ITPRIPL2: variants seen among roughly 807,000 people sequenced by gnomAD.
ITPRIPL2 encodes the protein ITPRIP like 2, also known as inositol 1,4,5-trisphosphate receptor-interacting protein-like 2.
A neutral mutation model predicts 31.7 loss-of-function variants in ITPRIPL2; 29 were observed. The observed-to-expected ratio is 0.91, with a 90% CI of 0.68 to 1.25. The LOEUF is 1.25. Ranked by LOEUF, ITPRIPL2 falls within the 50% of genes most tolerant of loss-of-function variation. ITPRIPL2 has a pLI of 0.00. For synonymous variants in ITPRIPL2, 344 were observed against 343.4 expected (o/e 1.00, Z -0.02); for missense variants, 696 against 739.1 (o/e 0.94, Z 0.68).
At position 19,121,119 on chromosome 16, in the gene ITPRIPL2, G is replaced by A. The variant is rs1963515505; in HGVS notation, c.*5050G>A. 6.0e-6 allele frequency: 1 copy of A among 166,654 alleles called. No homozygotes were observed. Among genetic ancestry groups the A allele is most frequent in the African/African-American group, 2.4e-5 (1 of 41,302 alleles). The allele number at this position is 166,654 out of a possible 1,614,324, so 10.3% of individuals were successfully genotyped here. On this transcript the variant is annotated 3_prime_UTR_variant, in exon 1 of 1. Transcript: ENST00000381440. ...ATACCTACATAGCACATGACTGGGGGGATAAAGCATGTATAAGTTGGGAGA... is the reference window on the plus strand; with the variant it reads ...ATACCTACATAGCACATGACTGGGGAGATAAAGCATGTATAAGTTGGGAGA...
Position 19,115,359 on chromosome 16 carries a change from T to C in ITPRIPL2, c.898T>C (p.Cys300Arg), listed in dbSNP as rs1399421908. The stretch of plus-strand genomic sequence containing the variant: ...CTTGCCCTGCCGCACTGACTACGGC[T>C]GCTGCCGCCTTTCTATGGCTGTGCG... ...HILPCRTDYG[C>R]CRLSMAVRLI... Residue 300 changes from cysteine (C) to arginine (R), a missense_variant, in exon 1 of 1, where the codon TGC becomes CGC. By Grantham distance (180) the Cys-to-Arg change is radical. Transcript: ENST00000381440. 1.2e-6 allele frequency: 2 copies of C among 1,613,390 alleles called. No homozygotes were observed. Among genetic ancestry groups the C allele is most frequent in the Middle Eastern group, 3.3e-4 (2 of 6,062 alleles).
chr16:19,118,073 A>G lies in ITPRIPL2; in HGVS notation c.*2004A>G, dbSNP rs925561655. The G allele has an allele frequency of 4.2e-5, 7 of 165,104 alleles. No homozygotes were observed. The highest frequency in any genetic ancestry group is 2.7e-4 in the Admixed American group (4 of 15,062). The allele number at this position is 165,104 out of a possible 1,614,324, so 10.2% of individuals were successfully genotyped here. On this transcript the variant is annotated 3_prime_UTR_variant, in exon 1 of 1. Transcript: ENST00000381440. ...GTAGATCTTATATATATATATATGTATACATATTTTATATATATATATATT... is the reference window on the plus strand; with the variant it reads ...GTAGATCTTATATATATATATATGTGTACATATTTTATATATATATATATT...
Position 19,114,510 on chromosome 16 carries a change from A to T in ITPRIPL2, c.49A>T (p.Thr17Ser). The change falls in exon 1 of 1, where the codon ACC becomes TCC. Residue 17 changes from threonine to serine, a missense_variant. Thr to Ser is a moderately conservative substitution (Grantham distance 58). Coordinates refer to ENST00000381440, the MANE Select transcript of ITPRIPL2 (RefSeq NM_001034841.4). ...TCTACGCGTCTTCTGGCCCCTGGTG[A>T]CCGGCCTGTGCACCGCCCTGGTGTG... ...LNLRVFWPLVTGLCTALVCLY... is the reference protein window; with the variant it reads ...LNLRVFWPLVSGLCTALVCLY... The T allele has an allele frequency of 6.9e-7, 1 of 1,457,394 alleles. No individual in the cohort carries two copies. Among genetic ancestry groups the T allele is most frequent in the Non-Finnish European group, 9.1e-7 (1 of 1,104,630 alleles). 90.3% of individuals were successfully genotyped at this position (1,457,394 alleles called of 1,614,324 possible). A position where few individuals can be genotyped will look rare whatever the true frequency, so the allele number is the denominator to read the frequency against.
chr16:19,114,359 G>C lies in ITPRIPL2; in HGVS notation c.-103G>C. The C allele has an allele frequency of 1.1e-6, 1 of 911,356 alleles. No homozygotes were observed. The highest frequency in any genetic ancestry group is 1.7e-5 in the African/African-American group (1 of 58,028). 56.5% of individuals were successfully genotyped at this position (911,356 alleles called of 1,614,324 possible). On this transcript the variant is annotated 5_prime_UTR_variant, in exon 1 of 1. Transcript: ENST00000381440. ...GGGAAGCCGCCGCGGAGGAGGAGAC[G>C]GGGACAGCGGGGCTGCCCGGGCGCT...
In ITPRIPL2 at chr16:19,114,953, G is replaced by A. The variant is rs1168067405; in HGVS notation, c.492G>A (p.Glu164=). 6.2e-7 allele frequency: 1 copy of A among 1,606,814 alleles called. No homozygotes were observed. Among genetic ancestry groups the A allele is most frequent in the Admixed American group, 1.7e-5 (1 of 59,994 alleles). The change falls in exon 1 of 1, where the codon GAG becomes GAA. Residue 164 remains glutamate, a synonymous_variant. Coordinates refer to ENST00000381440, the MANE Select transcript of ITPRIPL2 (RefSeq NM_001034841.4). ...TCATCCAGGTGGGCAGCGCCTACGA[G>A]CAACATAAAATCCGCCGGCCCGACA... The part of the protein sequence containing the change: ...GDFIQVGSAY[E]QHKIRRPDSF...
Position 19,118,602 on chromosome 16 carries a change from T to C in ITPRIPL2, c.*2533T>C, listed in dbSNP as rs1963474768. On this transcript the variant is annotated 3_prime_UTR_variant, in exon 1 of 1. Transcript: ENST00000381440. ...CTTGTAGTTTTTTGTTAGTTTTGTT[T>C]TTCAGGTTAATTACCCAAAGCCTCA... 1 of 176,266 alleles carries C rather than the reference T, an allele frequency of 5.7e-6. No homozygotes were observed. The highest frequency in any genetic ancestry group is 1.7e-4 in the East Asian group (1 of 5,866). The allele number at this position is 176,266 out of a possible 1,614,324, so 10.9% of individuals were successfully genotyped here. A position where few individuals can be genotyped will look rare whatever the true frequency, so the allele number is the denominator to read the frequency against.
rs1963479862 is a variant in ITPRIPL2 at position 19,119,068 on chromosome 16, T to C, written c.*2999T>C. 1 of 413,418 alleles carries C rather than the reference T, an allele frequency of 2.4e-6. No individual in the cohort carries two copies. The highest frequency in any genetic ancestry group is 2.1e-5 in the African/African-American group (1 of 48,634). 25.6% of individuals were successfully genotyped at this position (413,418 alleles called of 1,614,324 possible). A position where few individuals can be genotyped will look rare whatever the true frequency, so the allele number is the denominator to read the frequency against. On this transcript the variant is annotated 3_prime_UTR_variant, in exon 1 of 1. Coordinates refer to ENST00000381440, the MANE Select transcript of ITPRIPL2 (RefSeq NM_001034841.4). ...GGAAAATGTTTCTGGGGAAGATGAC[T>C]CAGTCATTTTGTGGCGAGACACCCT... is the stretch of plus-strand genomic sequence containing the variant.
Position 19,115,485 on chromosome 16 carries a change from C to T in ITPRIPL2, c.1024C>T (p.Arg342Cys). The stretch of plus-strand genomic sequence containing the variant: ...CCTGTTGGAGCTCCCTGAGGGCCTG[C>T]GTGCGGAGGCACTGTGGGGTGTGAA... ...APLLELPEGLRAEALWGVNTA... is the reference protein window; with the variant it reads ...APLLELPEGLCAEALWGVNTA... The change falls in exon 1 of 1, where the codon CGT becomes TGT. Residue 342 changes from arginine (R) to cysteine (C), a missense_variant. Coordinates refer to ENST00000381440, the MANE Select transcript of ITPRIPL2 (RefSeq NM_001034841.4). The T allele has an allele frequency of 6.2e-7, 1 of 1,606,824 alleles. No homozygotes were observed. Among genetic ancestry groups the T allele is most frequent in the South Asian group, 1.1e-5 (1 of 91,032 alleles).
At position 19,115,366 on chromosome 16, in the gene ITPRIPL2, G is replaced by A. The variant is rs1052821738; in HGVS notation, c.905G>A (p.Arg302His). Residue 302 changes from arginine (R) to histidine (H), a missense_variant, in exon 1 of 1, where the codon CGC becomes CAC. Physicochemically the swap from Arg to His is conservative, Grantham distance 29 (BLOSUM62 0). Transcript: ENST00000381440. Reference protein sequence around the residue: ...LPCRTDYGCCRLSMAVRLIPA... With the variant: ...LPCRTDYGCCHLSMAVRLIPA... ...TGCCGCACTGACTACGGCTGCTGCC[G>A]CCTTTCTATGGCTGTGCGTCTCATC... 3 of 1,613,002 alleles carry A rather than the reference G, an allele frequency of 1.9e-6. No individual in the cohort carries two copies. In the Admixed American group the frequency reaches 5.0e-5, roughly 27 times the overall value.
rs1273805177 is a variant in ITPRIPL2 at position 19,114,400 on chromosome 16, T to C, written c.-62T>C. ...CCCGGGCGCTGTGCGCATGCTGGGCTTGGGTCGCCGCCGGGGCTTGCCCCC... is the reference window on the plus strand; with the variant it reads ...CCCGGGCGCTGTGCGCATGCTGGGCCTGGGTCGCCGCCGGGGCTTGCCCCC... On this transcript the variant is annotated 5_prime_UTR_variant, in exon 1 of 1. Coordinates refer to ENST00000381440, the MANE Select transcript of ITPRIPL2 (RefSeq NM_001034841.4). The C allele has an allele frequency of 4.8e-6, 6 of 1,253,890 alleles. No homozygotes were observed. The highest frequency in any genetic ancestry group is 6.1e-6 in the Non-Finnish European group (6 of 988,884). The allele number at this position is 1,253,890 out of a possible 1,614,324, so 77.7% of individuals were successfully genotyped here.
In ITPRIPL2 at chr16:19,115,916, C is replaced by G; in HGVS notation, c.1455C>G (p.Asp485Glu). 1 of 1,612,138 alleles carries G rather than the reference C, an allele frequency of 6.2e-7. No individual in the cohort carries two copies. The highest frequency in any genetic ancestry group is 8.5e-7 in the Non-Finnish European group (1 of 1,179,708). The change falls in exon 1 of 1, where the codon GAC becomes GAG. Residue 485 changes from aspartate (D) to glutamate (E), a missense_variant. Coordinates refer to ENST00000381440, the MANE Select transcript of ITPRIPL2 (RefSeq NM_001034841.4). Reference protein sequence around the residue: ...AAPVDLLAAFDGHARELAAAR... With the variant: ...AAPVDLLAAFEGHARELAAAR... ...CAGTTGACCTCCTGGCCGCTTTCGA[C>G]GGGCACGCCCGGGAACTTGCAGCAG... is the stretch of plus-strand genomic sequence containing the variant.
rs1963405023 is a variant in ITPRIPL2, at chr16:19,114,547, T to A, written c.86T>A (p.Val29Asp). 6.5e-7 allele frequency: 1 copy of A among 1,528,590 alleles called. No homozygotes were observed. The highest frequency in any genetic ancestry group is 2.0e-5 in the Admixed American group (1 of 49,322). The allele number at this position is 1,528,590 out of a possible 1,614,324, so 94.7% of individuals were successfully genotyped here. The change falls in exon 1 of 1, where the codon GTC (valine) becomes GAC (aspartate). Residue 29 changes from valine to aspartate, a missense_variant. Physicochemically the swap from Val to Asp is radical, Grantham distance 152. Coordinates refer to ENST00000381440, the MANE Select transcript of ITPRIPL2 (RefSeq NM_001034841.4). ...LCTALVCLYHVLRGSGGARAE... is the reference protein window; with the variant it reads ...LCTALVCLYHDLRGSGGARAE... ...ACCGCCCTGGTGTGCCTCTACCATGTCCTGCGGGGAAGCGGGGGCGCCCGG... is the reference window on the plus strand; with the variant it reads ...ACCGCCCTGGTGTGCCTCTACCATGACCTGCGGGGAAGCGGGGGCGCCCGG...
In ITPRIPL2 at chr16:19,114,340, C is replaced by G; in HGVS notation, c.-122C>G. The G allele has an allele frequency of 1.4e-6, 1 of 737,236 alleles. No homozygotes were observed. The highest frequency in any genetic ancestry group is 1.9e-6 in the Non-Finnish European group (1 of 535,962). The allele number at this position is 737,236 out of a possible 1,614,324, so 45.7% of individuals were successfully genotyped here. On this transcript the variant is annotated 5_prime_UTR_variant, in exon 1 of 1. Coordinates refer to ENST00000381440, the MANE Select transcript of ITPRIPL2 (RefSeq NM_001034841.4). The stretch of plus-strand genomic sequence containing the variant: ...CTCCCTCGGGCCTGCGTTCGGGAAG[C>G]CGCCGCGGAGGAGGAGACGGGGACA...
chr16:19,114,572 G>C lies in ITPRIPL2; in HGVS notation c.111G>C (p.Arg37=). The change falls in exon 1 of 1, where the codon CGG becomes CGC. Residue 37 remains arginine (R), a synonymous_variant. Transcript: ENST00000381440. ...YHVLRGSGGA[R]AEPADGVDGG... is the part of the protein sequence containing the mutation. ...TCCTGCGGGGAAGCGGGGGCGCCCG[G>C]GCCGAGCCCGCCGACGGCGTGGATG... 6.4e-7 allele frequency: 1 copy of C among 1,557,636 alleles called. No individual in the cohort carries two copies.
chr16:19,119,109 G>T lies in ITPRIPL2; in HGVS notation c.*3040G>T. 2.4e-6 allele frequency: 1 copy of T among 413,450 alleles called. No homozygotes were observed. The highest frequency in any genetic ancestry group is 1.3e-4 in the South Asian group (1 of 7,810). The allele number at this position is 413,450 out of a possible 1,614,324, so 25.6% of individuals were successfully genotyped here. Reference sequence around the variant, plus strand: ...GAGACACCCTTTGGTAACTCCCACTGACCAGTCTTGGGAGCCTTCCTGGAA... The same window carrying T: ...GAGACACCCTTTGGTAACTCCCACTTACCAGTCTTGGGAGCCTTCCTGGAA... On this transcript the variant is annotated 3_prime_UTR_variant, in exon 1 of 1. Transcript: ENST00000381440.
In ITPRIPL2 at chr16:19,114,970, G is replaced by A. The variant is rs999860568; in HGVS notation, c.509G>A (p.Arg170Gln). The A allele has an allele frequency of 1.1e-5, 18 of 1,603,422 alleles. No individual in the cohort carries two copies. The highest frequency in any genetic ancestry group is 1.7e-5 in the Admixed American group (1 of 59,982). ...GCCTACGAGCAACATAAAATCCGCC[G>A]GCCCGACAGCTTCGACGTGCTGGTG... ...GSAYEQHKIR[R>Q]PDSFDVLVPL... Residue 170 changes from arginine (R) to glutamine (Q), a missense_variant, in exon 1 of 1, where the codon CGG (arginine) becomes CAG (glutamine). Coordinates refer to ENST00000381440, the MANE Select transcript of ITPRIPL2 (RefSeq NM_001034841.4).
rs1491422145 is a variant in ITPRIPL2 at position 19,120,626 on chromosome 16, T to TATATATATATATATATATA, written c.*4557_*4558insATATATATATATATATATA. ...TAATATATATATATATATATATATA[T>TATATATATATATATATATA]TTTTTTTTTTTTTTTTTAGTAGAGA... On this transcript the variant is annotated 3_prime_UTR_variant, in exon 1 of 1. Transcript: ENST00000381440. 2 of 83,714 alleles carry TATATATATATATATATATA rather than the reference T, an allele frequency of 2.4e-5. No homozygotes were observed. Among genetic ancestry groups the TATATATATATATATATATA allele is most frequent in the African/African-American group, 6.4e-5 (1 of 15,640 alleles). 5.2% of individuals were successfully genotyped at this position (83,714 alleles called of 1,614,324 possible).
chr16:19,116,400 G>C lies in ITPRIPL2; in HGVS notation c.*331G>C. 1 of 299,332 alleles carries C rather than the reference G, an allele frequency of 3.3e-6. No homozygotes were observed. The highest frequency in any genetic ancestry group is 6.5e-6 in the Non-Finnish European group (1 of 154,186). The allele number at this position is 299,332 out of a possible 1,614,324, so 18.5% of individuals were successfully genotyped here. On this transcript the variant is annotated 3_prime_UTR_variant, in exon 1 of 1. Transcript: ENST00000381440. ...AGTCCAGTAGAAGAAGCAAGAACTA[G>C]CTGCAGGGAAAGTTCCTTCTGTCGG...
rs1397669861 is a variant in ITPRIPL2, at chr16:19,117,233, C to T, written c.*1164C>T. ...GGGTCTCTAACCATTGATGGTTCTT[C>T]CTTGTCCAGGCAGTCTTACGTGGTC... On this transcript the variant is annotated 3_prime_UTR_variant, in exon 1 of 1. Coordinates refer to ENST00000381440, the MANE Select transcript of ITPRIPL2 (RefSeq NM_001034841.4). 1.2e-5 allele frequency: 2 copies of T among 167,132 alleles called. No individual in the cohort carries two copies. The highest frequency in any genetic ancestry group is 1.9e-4 in the East Asian group (1 of 5,206). The allele number at this position is 167,132 out of a possible 1,614,324, so 10.4% of individuals were successfully genotyped here.
Sources: gnomAD v4.1 joint callset for allele counts on GRCh38, gnomAD v4.1.1 for gene constraint, MANE v1.5 for transcripts, NCBI Gene and HGNC (gene_info 2026-07-23, HGNC 2026-07-21) for gene names.